Variants in SPAG16 observed in about 807,000 individuals in gnomAD.
SPAG16 encodes sperm-associated antigen 16 protein.
SPAG16 carries 86 observed loss-of-function variants against 80.4 expected under a neutral mutation model. That is an observed-to-expected ratio of 1.07 (90% CI 0.90 to 1.28). SPAG16 has a LOEUF of 1.28. Among genes scored for constraint, SPAG16 ranks in the 50% most tolerant of loss-of-function variants. The pLI is 0.00. For missense variants in SPAG16, 870 were observed against 765.3 expected, an observed-to-expected ratio of 1.14 and a Z score of -1.61; for synonymous variants, 294 against 265.9, an observed-to-expected ratio of 1.11 and a Z score of -1.03.
chr2:214,025,733 C>T (rs189259249), intron 13 of SPAG16, among the ~76,000 whole-genome samples: 1 of 151,596 alleles, frequency 6.6e-6, no homozygotes. Flanking sequence ...ACCATTGATG[C>T]ACCATATAAT....
chr2:213,622,534 A>G (rs2061826068), intron 10 of SPAG16, among the ~76,000 whole-genome samples: 1 of 152,122 alleles, frequency 6.6e-6, no homozygotes, highest in African/African-American at 2.4e-5. Flanking sequence ...GACAATACTC[A>G]TTGTCTTAGT....
chr2:214,058,953 G>C (rs1211073387), intron 13 of SPAG16, among the ~76,000 whole-genome samples: 1 of 151,868 alleles, frequency 6.6e-6, no homozygotes, highest in Non-Finnish European at 1.5e-5. Flanking sequence ...TGCAGGACAT[G>C]GGGATCACAG....
intron 15 of SPAG16, among the ~76,000 whole-genome samples, chr2:214,222,502 T>C (rs1338865198): frequency 6.6e-6 from 1 of 152,204 alleles, no homozygotes; most frequent in Non-Finnish European, 1.5e-5. Flanking sequence ...GTTAATCTTT[T>C]CAGCCAAATT....
At chr2:214,186,877 A>G (rs2057496371) in intron 15 of SPAG16, among the ~76,000 whole-genome samples, 1 of 152,020 alleles carries the variant, frequency 6.6e-6, no homozygotes, top group African/African-American at 2.4e-5. Context: ...GTCCTGCCTC[A>G]GCCTCCCAAG....
At chr2:213,871,574 G>A (rs548983989) in intron 11 of SPAG16, among the ~76,000 whole-genome samples, 1 of 151,912 alleles carries the variant, frequency 6.6e-6, no homozygotes, top group Non-Finnish European at 1.5e-5. Context: ...CTTGAGAAGG[G>A]TCTAATCTCT....
intron 11 of SPAG16, among the ~76,000 whole-genome samples, chr2:213,919,071 T>C (rs1200695175): frequency 6.6e-6 from 1 of 152,174 alleles, no homozygotes; most frequent in Non-Finnish European, 1.5e-5. Context: ...CTCTCTTATT[T>C]ACTTTTTCAA....
At chr2:213,616,574 T>C (rs980380420) in intron 10 of SPAG16, among the ~76,000 whole-genome samples, 8 of 152,206 alleles carry the variant, frequency 5.3e-5, no homozygotes, top group Non-Finnish European at 7.3e-5. Context: ...GCTTACTTTT[T>C]CTCAAAATAT....
chr2:213,575,677 A>G (rs1245182853), intron 10 of SPAG16, among the ~76,000 whole-genome samples: 1 of 152,108 alleles, frequency 6.6e-6, no homozygotes, highest in African/African-American at 2.4e-5. Context: ...TCCATATTAT[A>G]TTTTTATTCA....
intron 14 of SPAG16, among the ~76,000 whole-genome samples, chr2:214,120,264 T>C (rs533753602): frequency 1.1e-3 from 173 of 151,880 alleles, no homozygotes; most frequent in Admixed American, 4.1e-3. Context: ...AACTGTCTTA[T>C]AAATCAATCT....
intron 15 of SPAG16, among the ~76,000 whole-genome samples, chr2:214,188,111 C>T (rs915140842): frequency 6.6e-6 from 1 of 152,114 alleles, no homozygotes; most frequent in African/African-American, 2.4e-5. Flanking sequence ...TGCATATCCA[C>T]TTCTCCCTGG....
chr2:213,962,771 A>G (rs1478806592), intron 12 of SPAG16, among the ~76,000 whole-genome samples: 1 of 152,202 alleles, frequency 6.6e-6, no homozygotes, highest in Non-Finnish European at 1.5e-5. Context: ...TGTTTCTTCT[A>G]GAGTCAGTTT....
chr2:213,480,595 C>T (rs1038158528), intron 9 of SPAG16, among the ~76,000 whole-genome samples: 1 of 152,192 alleles, frequency 6.6e-6, no homozygotes, highest in Non-Finnish European at 1.5e-5. Flanking sequence ...TACATTAATT[C>T]ACTTTGGTGT....
At chr2:213,359,671 A>G (rs1310211973) in intron 7 of SPAG16, among the ~76,000 whole-genome samples, 1 of 152,202 alleles carries the variant, frequency 6.6e-6, no homozygotes, top group African/African-American at 2.4e-5. Flanking sequence ...TTTTCCAGGT[A>G]CAGTCTGTTA....
intron 15 of SPAG16, among the ~76,000 whole-genome samples, chr2:214,225,639 A>C (rs1247936589): frequency 6.6e-6 from 1 of 152,176 alleles, no homozygotes; most frequent in Non-Finnish European, 1.5e-5. Flanking sequence ...AAAATATTTC[A>C]TATATTTTTC....
chr2:214,050,159 A>G (rs917944821), intron 13 of SPAG16, among the ~76,000 whole-genome samples: 7 of 152,086 alleles, frequency 4.6e-5, no homozygotes, highest in South Asian at 2.1e-4. Flanking sequence ...GGAAAAAACT[A>G]CCTCTCTTAG....
chr2:213,566,901 T>C (rs899926295), intron 10 of SPAG16, among the ~76,000 whole-genome samples: 6 of 152,228 alleles, frequency 3.9e-5, no homozygotes, highest in African/African-American at 1.4e-4. Flanking sequence ...TAAGAATCAC[T>C]TTTTAAATTT....
At chr2:213,473,526 C>A (rs1395599018) in intron 9 of SPAG16, among the ~76,000 whole-genome samples, 8 of 152,302 alleles carry the variant, frequency 5.3e-5, no homozygotes, top group African/African-American at 1.9e-4. Context: ...ACTCCAGCAT[C>A]CCAATCTCCC....
intron 15 of SPAG16, among the ~76,000 whole-genome samples, chr2:214,324,967 A>G (rs1696371783): frequency 6.6e-6 from 1 of 152,240 alleles, no homozygotes; most frequent in Non-Finnish European, 1.5e-5. Flanking sequence ...ATCTGCTACC[A>G]TTTTATGCAG....
chr2:214,325,502 C>A (rs1696410683), intron 15 of SPAG16, among the ~76,000 whole-genome samples: 1 of 152,068 alleles, frequency 6.6e-6, no homozygotes, highest in Admixed American at 6.6e-5. Flanking sequence ...ATAATTTAAT[C>A]TGTAAAAATG....
Sources: gnomAD v4.1 joint callset for allele counts (sites outside exome capture counted in the v4.1 genomes callset) on GRCh38, gnomAD v4.1.1 for gene constraint, MANE v1.5 for transcripts, NCBI Gene and HGNC (gene_info 2026-07-23, HGNC 2026-07-21) for gene names.